MBP: variants seen among roughly 807,000 people sequenced by gnomAD.
MBP encodes myelin basic protein, also known as Golli-MBP.
MBP carries 16 observed loss-of-function variants against 35.8 expected under a neutral mutation model. The observed-to-expected ratio is 0.45, with a 90% confidence interval of 0.30 to 0.68. The LOEUF is 0.68. Ranked by LOEUF, MBP falls within the 30% of genes least tolerant of loss-of-function variation. The probability of loss-of-function intolerance (pLI) is 0.08; values close to 1 mark genes in which losing one functional copy is unlikely to be tolerated. For missense variants in MBP, 380 were observed against 404.7 expected, an observed-to-expected ratio of 0.94 and a Z score of 0.52; for synonymous variants, 143 against 159.6, an observed-to-expected ratio of 0.90 and a Z score of 0.78.
At chr18:77,014,864 T>G (rs1250878697) in intron 4 of MBP, 3 of 985,058 alleles carry the variant, frequency 3.0e-6, no homozygotes, top group African/African-American at 3.5e-5. Flanking sequence ...ATCTTCTATA[T>G]TCAACACTCC....
chr18:76,995,251 G>C (rs1050649650), intron 4 of MBP, among the ~76,000 whole-genome samples: 9 of 152,174 alleles, frequency 5.9e-5, no homozygotes, highest in Admixed American at 3.3e-4. Flanking sequence ...TAGTAAAACT[G>C]TTGATTCTTT....
At chr18:77,113,270 C>G (rs557633279) in intron 1 of MBP, 8 of 152,478 alleles carry the variant, frequency 5.2e-5, no homozygotes, top group African/African-American at 1.9e-4. Flanking sequence ...CATAGATACA[C>G]GGCATTTCAC....
chr18:77,075,318 A>C (rs1938128970), intron 2 of MBP, among the ~76,000 whole-genome samples: 1 of 152,240 alleles, frequency 6.6e-6, no homozygotes, highest in East Asian at 1.9e-4. Flanking sequence ...GCTAACATTA[A>C]AATGGAATTG....
At chr18:77,132,405 G>A (rs1186293337) in intron 1 of MBP, among the ~76,000 whole-genome samples, 175 bp downstream of exon 1, 2 of 152,172 alleles carry the variant, frequency 1.3e-5, no homozygotes, top group African/African-American at 4.8e-5. Context: ...CGCGTCCCCA[G>A]CCAAGAAAGG....
At chr18:77,043,679 T>C (rs1973103272) in intron 3 of MBP, among the ~76,000 whole-genome samples, 1 of 152,218 alleles carries the variant, frequency 6.6e-6, no homozygotes. Context: ...GGATAAAGCT[T>C]TGAACTTGCG....
intron 3 of MBP, among the ~76,000 whole-genome samples, chr18:77,055,504 C>G (rs771180151): frequency 1.2e-4 from 19 of 152,036 alleles, no homozygotes; most frequent in Non-Finnish European, 2.5e-4. Context: ...TTTTCTTTTT[C>G]CTTTCTTTCC....
At position 76,988,213 on chromosome 18, in the gene MBP, A is replaced by G. The variant is rs1430244055; in HGVS notation, c.750+282T>C. 6.5e-7 allele frequency: 1 copy of G among 1,548,370 alleles called. No individual in the cohort carries two copies. The highest frequency in any genetic ancestry group is 1.4e-5 in the African/African-American group (1 of 73,094). ...GTGTTGCTCCCTCCCTGGGAGGGAGACCAGTCACGTCGCCTGGGAACCCTC... is the reference window on the plus strand; with the variant it reads ...GTGTTGCTCCCTCCCTGGGAGGGAGGCCAGTCACGTCGCCTGGGAACCCTC... On this transcript the variant is annotated intron_variant, in intron 7 of 8. Transcript: ENST00000355994. This position sits in a 1 kb window ranked among gnomAD's most constrained non-coding sequence, Gnocchi z 5.2.
chr18:76,987,681 GAC>G, intron 7 of MBP: 1 of 991,208 alleles, frequency 1.0e-6, no homozygotes. Flanking sequence ...TTCGGAGACA[GAC>G]ACAACCTATC....
intron 3 of MBP, among the ~76,000 whole-genome samples, chr18:77,054,618 G>C (rs999738989): frequency 5.3e-5 from 8 of 152,224 alleles, no homozygotes; most frequent in African/African-American, 1.7e-4. Flanking sequence ...CTAAGTATCA[G>C]AGCTTCCCTG....
chr18:77,081,749 CAT>C (rs3056773), intron 2 of MBP, among the ~76,000 whole-genome samples: 19,296 of 136,028 alleles, frequency 0.14, 1,558 homozygotes, highest in Middle Eastern at 0.19. Context: ...TTCATAGCAG[CAT>C]ATATATATAT....
In MBP at chr18:76,989,747, C is replaced by T; in HGVS notation, c.681+209G>A. On this transcript the variant is annotated intron_variant, in intron 5 of 8. Transcript: ENST00000355994. This position sits in a 1 kb window ranked among gnomAD's most constrained non-coding sequence, Gnocchi z 4.0. ...AGCTCTCTGGAGAACGCACGGAGCG[C>T]ACGGTGCAATCCGTGGCAGATACAG... The T allele has an allele frequency of 1.8e-6, 1 of 557,770 alleles. No individual in the cohort carries two copies. Among genetic ancestry groups the T allele is most frequent in the East Asian group, 3.2e-5 (1 of 31,514 alleles). 34.6% of individuals were successfully genotyped at this position (557,770 alleles called of 1,614,324 possible).
At chr18:77,017,677 G>A (rs1000392414) in intron 3 of MBP, 1 of 162,556 alleles carries the variant, frequency 6.2e-6, no homozygotes, top group African/African-American at 2.4e-5. Flanking sequence ...TATGCAAGGA[G>A]CATTTATTTG....
chr18:77,098,887 T>A (rs1433792827), intron 2 of MBP, among the ~76,000 whole-genome samples: 1 of 152,144 alleles, frequency 6.6e-6, no homozygotes, highest in Non-Finnish European at 1.5e-5. Flanking sequence ...TCCTTACAAC[T>A]GCATTTATTA....
At chr18:76,987,293 G>A (rs149159404) in intron 7 of MBP, 1 of 985,424 alleles carries the variant, frequency 1.0e-6, no homozygotes, top group African/African-American at 1.7e-5. Context: ...TGCTGGCATA[G>A]AAAATAAAAA....
chr18:77,071,331 T>C (rs1349540459), intron 2 of MBP, among the ~76,000 whole-genome samples: 1 of 152,046 alleles, frequency 6.6e-6, no homozygotes, highest in Non-Finnish European at 1.5e-5. Context: ...CATGTAAGAG[T>C]TGATTTTGAG....
At chr18:76,983,603 T>G (rs1251094622) in intron 8 of MBP, 1 of 152,272 alleles carries the variant, frequency 6.6e-6, no homozygotes, top group African/African-American at 2.4e-5. Flanking sequence ...CCACTTCATC[T>G]GACATAAAGC....
At chr18:77,122,497 C>A (rs1233062506) in intron 1 of MBP, among the ~76,000 whole-genome samples, 3 of 152,128 alleles carry the variant, frequency 2.0e-5, no homozygotes, top group Non-Finnish European at 2.9e-5. Flanking sequence ...AAGTGAACTG[C>A]GGCATAGAAG....
chr18:77,132,260 C>G (rs1342981638), intron 1 of MBP, among the ~76,000 whole-genome samples: 2 of 152,090 alleles, frequency 1.3e-5, no homozygotes, highest in Non-Finnish European at 2.9e-5. Flanking sequence ...CGGGCCCCGG[C>G]GCTGTAAACC....
intron 1 of MBP, among the ~76,000 whole-genome samples, chr18:77,111,703 T>A (rs939509837): frequency 8.5e-5 from 13 of 152,222 alleles, no homozygotes; most frequent in African/African-American, 3.1e-4. Context: ...GACCACGCCC[T>A]GGCTTGGCAG....
Sources: gnomAD v4.1 joint callset for allele counts (sites outside exome capture counted in the v4.1 genomes callset) on GRCh38, gnomAD v4.1.1 for gene constraint, Gnocchi (gnomAD v3.1) non-coding constraint, MANE v1.5 for transcripts, NCBI Gene and HGNC (gene_info 2026-07-23, HGNC 2026-07-21) for gene names.